Variants in PTGER4 observed in about 807,000 individuals in gnomAD.
PTGER4 encodes the protein prostaglandin E2 receptor EP4 subtype.
In PTGER4, 11 loss-of-function variants were observed where a neutral mutation model predicts 33.2. The ratio of observed to expected loss-of-function variants is 0.33; its 90% CI spans 0.21 to 0.55. The LOEUF is 0.55. Among genes scored for constraint, PTGER4 ranks in the 20% least tolerant of loss-of-function variants. PTGER4 has a pLI of 0.92. For synonymous variants in PTGER4, 275 were observed against 281.5 expected, an observed-to-expected ratio of 0.98 and a Z score of 0.23; for missense variants, 481 against 650.2, an observed-to-expected ratio of 0.74 and a Z score of 2.83.
the PTGER4 span, among the ~76,000 whole-genome samples, chr5:40,706,208 T>C: frequency 1.3e-5 from 2 of 152,116 alleles, no homozygotes; most frequent in Admixed American, 6.6e-5. Flanking sequence ...CTATCATCCA[T>C]AGCAAACTAA....
the PTGER4 span, among the ~76,000 whole-genome samples, chr5:40,726,621 A>G: frequency 1.3e-5 from 2 of 152,028 alleles, no homozygotes; most frequent in Non-Finnish European, 2.9e-5. Flanking sequence ...CAACAGAAAA[A>G]AAAAAAGTCG....
chr5:40,746,734 A>T, the PTGER4 span: 6 of 1,215,874 alleles, frequency 4.9e-6, no homozygotes, highest in East Asian at 1.5e-4. Context: ...TCTTCATCCC[A>T]TTACGGACAG....
At chr5:40,742,970 G>A in the PTGER4 span, among the ~76,000 whole-genome samples, 1 of 152,148 alleles carries the variant, frequency 6.6e-6, no homozygotes, top group Non-Finnish European at 1.5e-5. Context: ...CCTAGTAAGT[G>A]CCACAAATTA....
the PTGER4 span, among the ~76,000 whole-genome samples, chr5:40,706,652 C>T: frequency 1.3e-5 from 2 of 151,422 alleles, no homozygotes; most frequent in Admixed American, 1.3e-4. Flanking sequence ...GGAGTAAGGA[C>T]AGGTTTCTTA....
chr5:40,724,998 C>T, the PTGER4 span, among the ~76,000 whole-genome samples: 2 of 152,000 alleles, frequency 1.3e-5, no homozygotes, highest in South Asian at 4.2e-4. Context: ...AGGCACACAC[C>T]ACCATGCCTG....
At chr5:40,729,376 G>T in the PTGER4 span, among the ~76,000 whole-genome samples, 4 of 152,144 alleles carry the variant, frequency 2.6e-5, no homozygotes, top group African/African-American at 9.7e-5. Context: ...CCAAAAATAT[G>T]TTTAATGCTC....
chr5:40,698,478 A>T (rs1312596749), downstream of PTGER4, among the ~76,000 whole-genome samples: 1 of 152,230 alleles, frequency 6.6e-6, no homozygotes, highest in Non-Finnish European at 1.5e-5. Flanking sequence ...CCACAATAAT[A>T]TACCCTTATA....
At chr5:40,746,742 C>T in the PTGER4 span, 11 of 1,293,460 alleles carry the variant, frequency 8.5e-6, no homozygotes, top group African/African-American at 1.3e-4. Context: ...CCATTACGGA[C>T]AGTGAGCTAG....
Position 40,691,502 on chromosome 5 carries a change from G to A in PTGER4, c.868-277G>A, listed in dbSNP as rs1415119821. Among the ~76,000 whole-genome samples the A allele has an allele frequency of 6.6e-6, 1 of 151,956 alleles. No individual in the cohort carries two copies. Among genetic ancestry groups the A allele is most frequent in the Non-Finnish European group, 1.5e-5 (1 of 67,986 alleles). ...GCCTAATGTTTGTATTTTTAGTAGA[G>A]ATGGGGTTTCGCCATGTTGGACAAG... On this transcript the variant is annotated intron_variant, in intron 2 of 2. Transcript: ENST00000302472. The surrounding 1 kb of genome is among the most constrained non-coding windows in gnomAD (Gnocchi z 4.2).
the PTGER4 span, among the ~76,000 whole-genome samples, chr5:40,732,556 A>G: frequency 4.6e-5 from 7 of 151,982 alleles, no homozygotes; most frequent in East Asian, 9.7e-4. Flanking sequence ...ATTTGTTTAT[A>G]TGCTCTACAG....
chr5:40,710,345 A>G, the PTGER4 span, among the ~76,000 whole-genome samples: 1 of 152,254 alleles, frequency 6.6e-6, no homozygotes, highest in Non-Finnish European at 1.5e-5. Flanking sequence ...ATCACTGGCC[A>G]TCAGAGAAAT....
the PTGER4 span, among the ~76,000 whole-genome samples, chr5:40,702,294 T>C: frequency 0.67 from 102,004 of 152,044 alleles, 34,376 homozygotes; most frequent in East Asian, 0.8. Context: ...TCACACATAA[T>C]GACACTCACA....
intron 2 of PTGER4, among the ~76,000 whole-genome samples, chr5:40,689,574 A>G (rs1284350130): frequency 1.3e-5 from 2 of 152,210 alleles, no homozygotes; most frequent in African/African-American, 2.4e-5. Flanking sequence ...AAAGGAACAC[A>G]TGCAAATGGT....
At chr5:40,723,870 A>C in the PTGER4 span, among the ~76,000 whole-genome samples, 22 of 152,186 alleles carry the variant, frequency 1.4e-4, no homozygotes, top group African/African-American at 3.6e-4. Flanking sequence ...CTCTCAAAAA[A>C]AAACAAACAA....
chr5:40,699,839 TAAAA>T, the PTGER4 span, among the ~76,000 whole-genome samples: 28 of 151,948 alleles, frequency 1.8e-4, no homozygotes, highest in Admixed American at 9.2e-4. Context: ...TCAATTTAAT[TAAAA>T]AAAAGTATAA....
the PTGER4 span, among the ~76,000 whole-genome samples, chr5:40,701,608 T>A: frequency 1.3e-5 from 2 of 152,174 alleles, no homozygotes; most frequent in Non-Finnish European, 2.9e-5. Context: ...AGAAAATATA[T>A]TTCAGGATAT....
At chr5:40,719,638 T>C in the PTGER4 span, among the ~76,000 whole-genome samples, 103 of 152,336 alleles carry the variant, frequency 6.8e-4, no homozygotes, top group Middle Eastern at 6.8e-3. Flanking sequence ...TTTTCCAAAA[T>C]GGCTATAACA....
chr5:40,697,238 G>GAA (rs1483736891), downstream of PTGER4, among the ~76,000 whole-genome samples: 1 of 37,602 alleles, frequency 2.7e-5, no homozygotes, highest in Non-Finnish European at 6.4e-5. Flanking sequence ...AAGAAAGAAA[G>GAA]AAAGAAAGAA....
Position 40,692,047 on chromosome 5 carries a change from C to T in PTGER4, c.1136C>T (p.Ser379Phe). The stretch of plus-strand genomic sequence containing the variant: ...TCTGCCATGTCAGGCCACTCTCGCT[C>T]CTTCATCTCCCGGGAGCTGAAGGAG... ...TSSAMSGHSR[S>F]FISRELKEIS... is the part of the protein sequence containing the mutation. Residue 379 changes from serine (S) to phenylalanine (F), a missense_variant, in exon 3 of 3, where the codon TCC becomes TTC. Coordinates refer to ENST00000302472, the MANE Select transcript of PTGER4 (RefSeq NM_000958.3). 1.2e-6 allele frequency: 2 copies of T among 1,614,224 alleles called. No homozygotes were observed. Among genetic ancestry groups the T allele is most frequent in the Non-Finnish European group, 1.7e-6 (2 of 1,180,040 alleles).
Sources: gnomAD v4.1 joint callset for allele counts (sites outside exome capture counted in the v4.1 genomes callset) on GRCh38, gnomAD v4.1.1 for gene constraint, Gnocchi (gnomAD v3.1) non-coding constraint, MANE v1.5 for transcripts, NCBI Gene and HGNC (gene_info 2026-07-23, HGNC 2026-07-21) for gene names.